GALNTL6: variants seen among roughly 807,000 people sequenced by gnomAD.
GALNTL6 encodes polypeptide N-acetylgalactosaminyltransferase like 6.
A neutral mutation model predicts 73.7 loss-of-function variants in GALNTL6; 46 were observed. That is an observed-to-expected ratio of 0.62 (90% CI 0.49 to 0.80). The LOEUF (loss-of-function observed/expected upper bound fraction) is 0.80, where lower values mean the gene tolerates loss of function less well. Among genes scored for constraint, GALNTL6 ranks in the 30% least tolerant of loss-of-function variants. The pLI, the probability that GALNTL6 is intolerant of heterozygous loss-of-function variation, is 0.00. For missense variants in GALNTL6, 604 were observed against 755.0 expected, an observed-to-expected ratio of 0.80 and a Z score of 2.34; for synonymous variants, 259 against 263.7, an observed-to-expected ratio of 0.98 and a Z score of 0.17.
chr4:173,020,511 T>C (rs1464331421), intron 11 of GALNTL6, among the ~76,000 whole-genome samples: 1 of 152,244 alleles, frequency 6.6e-6, no homozygotes, highest in African/African-American at 2.4e-5. Flanking sequence ...TGTGTGTGTG[T>C]GCATGAGCTG....
At position 172,069,535 on chromosome 4, in the gene GALNTL6, A is replaced by ATGTTATATATAACACATATGTG. The variant is rs58953734; in HGVS notation, c.139-160120_139-160119insGTTATATATAACACATATGTGT. ...TATATGTTATATGTATAACACATAT[A>ATGTTATATATAACACATATGTG]TTATATATAACACATATATGTTATA... On this transcript the variant is annotated intron_variant, in intron 2 of 12. Transcript: ENST00000506823. 1.7e-3 allele frequency among the ~76,000 whole-genome samples: 96 copies of ATGTTATATATAACACATATGTG among 55,984 alleles called. 19 individuals carry two copies. The South Asian group carries it at 0.035, about 20-fold the overall frequency. The allele number at this position is 55,984 out of a possible 152,430, so 36.7% of individuals were successfully genotyped here. A position where few individuals can be genotyped will look rare whatever the true frequency, so the allele number is the denominator to read the frequency against.
chr4:172,173,162 A>G (rs1734886936), intron 2 of GALNTL6, among the ~76,000 whole-genome samples: 1 of 152,202 alleles, frequency 6.6e-6, no homozygotes, highest in Non-Finnish European at 1.5e-5. Flanking sequence ...GATTTCCAAA[A>G]CTGAAACTTT....
intron 5 of GALNTL6, among the ~76,000 whole-genome samples, chr4:172,358,875 A>C (rs1234636999): frequency 6.6e-6 from 1 of 151,230 alleles, no homozygotes; most frequent in Non-Finnish European, 1.5e-5. Context: ...AAAAAAAAAA[A>C]AAAAAAACAG....
intron 5 of GALNTL6, among the ~76,000 whole-genome samples, chr4:172,611,448 A>T (rs1433094749): frequency 1.3e-5 from 2 of 152,076 alleles, no homozygotes; most frequent in Non-Finnish European, 2.9e-5. Context: ...TTGGCTGGAT[A>T]TGAAATTCTT....
chr4:172,374,147 T>A (rs112732289), intron 5 of GALNTL6, among the ~76,000 whole-genome samples: 16 of 152,338 alleles, frequency 1.1e-4, no homozygotes, highest in Non-Finnish European at 2.9e-5. Context: ...ACAATCTTTT[T>A]TAAAGTGTCC....
chr4:172,016,681 T>C (rs1741205835), intron 2 of GALNTL6, among the ~76,000 whole-genome samples: 1 of 147,656 alleles, frequency 6.8e-6, no homozygotes, highest in Non-Finnish European at 1.5e-5. Flanking sequence ...CTTTTCTGGC[T>C]CCTTCTCATT....
intron 2 of GALNTL6, among the ~76,000 whole-genome samples, chr4:172,120,877 G>A (rs1344334605): frequency 2.0e-5 from 3 of 151,950 alleles, no homozygotes; most frequent in East Asian, 1.9e-4. Context: ...TTTTGGTCTC[G>A]GTGATAGGCA....
chr4:172,110,135 GGTTAT>G (rs1162867138), intron 2 of GALNTL6, among the ~76,000 whole-genome samples: 3 of 151,794 alleles, frequency 2.0e-5, no homozygotes, highest in Non-Finnish European at 2.9e-5. Flanking sequence ...TTTCTTTTTT[GGTTAT>G]TTTGGAAGGC....
At chr4:172,421,960 T>C (rs1230063549) in intron 5 of GALNTL6, among the ~76,000 whole-genome samples, 1 of 152,068 alleles carries the variant, frequency 6.6e-6, no homozygotes, top group Non-Finnish European at 1.5e-5. Context: ...GTTTTTAATC[T>C]AATCAAAAAA....
chr4:171,822,257 A>T (rs1247526369), intron 2 of GALNTL6, among the ~76,000 whole-genome samples: 1 of 152,192 alleles, frequency 6.6e-6, no homozygotes, highest in Non-Finnish European at 1.5e-5. Flanking sequence ...CATTTTTTTC[A>T]GTAGAATTAG....
At chr4:172,919,357 C>T (rs369313441) in intron 8 of GALNTL6, among the ~76,000 whole-genome samples, 7 of 152,264 alleles carry the variant, frequency 4.6e-5, no homozygotes, top group South Asian at 2.1e-4. Flanking sequence ...CTCTCACGGA[C>T]TCCCCTCCTG....
intron 5 of GALNTL6, among the ~76,000 whole-genome samples, chr4:172,454,302 A>G (rs2111428769): frequency 6.6e-6 from 1 of 152,350 alleles, no homozygotes; most frequent in Non-Finnish European, 1.5e-5. Flanking sequence ...GTCAAAAAAT[A>G]TATCATCAGC....
intron 2 of GALNTL6, among the ~76,000 whole-genome samples, chr4:171,864,032 G>A (rs1380316592): frequency 6.6e-6 from 1 of 152,176 alleles, no homozygotes; most frequent in Non-Finnish European, 1.5e-5. Flanking sequence ...AAAGTGCTGG[G>A]ATTACAGGCG....
At chr4:172,266,349 G>T (rs1348263282) in intron 3 of GALNTL6, 1 of 152,092 alleles carries the variant, frequency 6.6e-6, no homozygotes, top group Non-Finnish European at 1.5e-5. Context: ...TTTGCCCTGA[G>T]GTAATTAATG....
intron 2 of GALNTL6, among the ~76,000 whole-genome samples, chr4:172,206,780 TTGTTTTG>T (rs1560969153): frequency 1.3e-5 from 1 of 79,044 alleles, no homozygotes; most frequent in Non-Finnish European, 2.9e-5. Flanking sequence ...AACGTGTTTT[TTGTTTTG>T]TTTTGTTTTG....
At chr4:171,990,105 C>G (rs12649511) in intron 2 of GALNTL6, among the ~76,000 whole-genome samples, 59,523 of 151,814 alleles carry the variant, frequency 0.39, 11,944 homozygotes, top group African/African-American at 0.47. Context: ...GCTCGGCCTG[C>G]TGAGGAGCAG....
intron 2 of GALNTL6, among the ~76,000 whole-genome samples, chr4:171,941,193 C>CA (rs1184929676): frequency 6.6e-6 from 1 of 152,128 alleles, no homozygotes; most frequent in African/African-American, 2.4e-5. Context: ...GAACCTGTAG[C>CA]AAGCTCTCTG....
chr4:172,195,755 A>G (rs1735742910), intron 2 of GALNTL6, among the ~76,000 whole-genome samples: 1 of 152,220 alleles, frequency 6.6e-6, no homozygotes, highest in African/African-American at 2.4e-5. Context: ...ACAAAGAAAC[A>G]ACATACCAGA....
chr4:172,384,310 T>G (rs1337404468), intron 5 of GALNTL6, among the ~76,000 whole-genome samples: 2 of 152,112 alleles, frequency 1.3e-5, no homozygotes, highest in Non-Finnish European at 2.9e-5. Context: ...GATTTTTTAT[T>G]TATCCTTGAG....
Sources: allele counts gnomAD v4.1 joint callset (sites outside exome capture counted in the v4.1 genomes callset), GRCh38; gene constraint gnomAD v4.1.1; transcripts MANE v1.5; gene names NCBI Gene and HGNC (gene_info 2026-07-23, HGNC 2026-07-21).